Variants in DLGAP2 observed in about 807,000 individuals in gnomAD.
The protein encoded by DLGAP2 is disks large-associated protein 2.
DLGAP2 carries 26 observed loss-of-function variants against 100.3 expected under a neutral mutation model. The observed-to-expected ratio is 0.26, with a 90% CI of 0.19 to 0.36. DLGAP2 has a LOEUF of 0.36. Among genes scored for constraint, DLGAP2 ranks in the 10% least tolerant of loss-of-function variants. DLGAP2 has a pLI of 1.00. For missense variants in DLGAP2, 1,858 were observed against 1,453.2 expected, an observed-to-expected ratio of 1.28 and a Z score of -4.53; for synonymous variants, 886 against 630.1, an observed-to-expected ratio of 1.41 and a Z score of -6.08.
intron 1 of DLGAP2, among the ~76,000 whole-genome samples, chr8:816,319 T>C (rs1318858149): frequency 6.6e-6 from 1 of 151,680 alleles, no homozygotes; most frequent in Non-Finnish European, 1.5e-5. Context: ...TAATAGGTCC[T>C]GTGAGATTTA....
At chr8:1,315,724 G>C (rs1219258503) in intron 3 of DLGAP2, among the ~76,000 whole-genome samples, 3 of 46,642 alleles carry the variant, frequency 6.4e-5, no homozygotes, top group African/African-American at 3.3e-4. Context: ...CGAGTGCAGC[G>C]TCTCTCCAAC....
intron 4 of DLGAP2, among the ~76,000 whole-genome samples, chr8:1,534,266 A>G (rs1243890649): frequency 1.3e-5 from 2 of 152,244 alleles, no homozygotes; most frequent in Non-Finnish European, 2.9e-5. Context: ...TGTGTGTCAC[A>G]AGGCAAATTT....
chr8:1,502,996 T>G (rs1193671419), intron 4 of DLGAP2, among the ~76,000 whole-genome samples: 1 of 152,094 alleles, frequency 6.6e-6, no homozygotes, highest in East Asian at 1.9e-4. Context: ...GGAGGCCAGC[T>G]TTGCCTGGAT....
At chr8:1,700,235 C>T (rs1485461473) in intron 14 of DLGAP2, among the ~76,000 whole-genome samples, 1 of 152,216 alleles carries the variant, frequency 6.6e-6, no homozygotes, top group African/African-American at 2.4e-5. Context: ...GAGAAAAAGA[C>T]ATGAGTGGAG....
At chr8:1,700,627 G>A (rs976716751) in intron 14 of DLGAP2, among the ~76,000 whole-genome samples, 2 of 152,210 alleles carry the variant, frequency 1.3e-5, no homozygotes, top group Non-Finnish European at 2.9e-5. Flanking sequence ...TACAAAGCAG[G>A]CAAGTGAATA....
intron 2 of DLGAP2, among the ~76,000 whole-genome samples, chr8:1,068,262 A>G (rs1195571491): frequency 1.3e-5 from 2 of 152,206 alleles, no homozygotes; most frequent in Non-Finnish European, 2.9e-5. Context: ...TGCCATAAAC[A>G]TCTGTGTGCA....
intron 4 of DLGAP2, among the ~76,000 whole-genome samples, chr8:1,524,764 C>G (rs557888961): frequency 3.7e-4 from 56 of 152,248 alleles, no homozygotes; most frequent in African/African-American, 1.3e-3. Flanking sequence ...TTACAGTCTT[C>G]CCACCGCCTT....
intron 3 of DLGAP2, among the ~76,000 whole-genome samples, chr8:1,481,689 G>T (rs112299569): frequency 0.037 from 5,615 of 151,894 alleles, 352 homozygotes; most frequent in African/African-American, 0.12. Flanking sequence ...TGTTGGCCAG[G>T]CTTGTCTCGA....
At chr8:1,599,777 G>C (rs761970259) in intron 6 of DLGAP2, among the ~76,000 whole-genome samples, 20 of 152,132 alleles carry the variant, frequency 1.3e-4, no homozygotes, top group Non-Finnish European at 2.6e-4. Flanking sequence ...CTTTGTACAT[G>C]AGATGGGTCT....
intron 3 of DLGAP2, among the ~76,000 whole-genome samples, chr8:1,268,921 A>G (rs1799523881): frequency 1.3e-5 from 2 of 152,206 alleles, no homozygotes; most frequent in Non-Finnish European, 2.9e-5. Context: ...TGACATGGCC[A>G]GAGCCAACGG....
At chr8:1,363,986 C>G (rs1283735996) in intron 3 of DLGAP2, among the ~76,000 whole-genome samples, 1 of 152,214 alleles carries the variant, frequency 6.6e-6, no homozygotes, top group Non-Finnish European at 1.5e-5. Context: ...TCCCCAGCCC[C>G]TCATCCTCTG....
chr8:1,471,919 G>A (rs1330310405), intron 3 of DLGAP2, among the ~76,000 whole-genome samples: 2 of 152,214 alleles, frequency 1.3e-5, no homozygotes, highest in African/African-American at 4.8e-5. Flanking sequence ...GGTTGTGATT[G>A]CAACCACTTC....
intron 2 of DLGAP2, among the ~76,000 whole-genome samples, chr8:1,116,304 C>G (rs1044346745): frequency 6.6e-6 from 1 of 152,178 alleles, no homozygotes; most frequent in Non-Finnish European, 1.5e-5. Context: ...TCCAAAGCAC[C>G]AGCTGTGTCT....
Position 822,249 on chromosome 8 carries a change from C to G in DLGAP2, c.18+84424C>G, listed in dbSNP as rs553077872. 1.5e-4 allele frequency: 60 copies of G among 399,414 alleles called. 1 individual carries two copies. Among genetic ancestry groups the G allele is most frequent in the South Asian group, 5.1e-4 (4 of 7,862 alleles). 24.7% of individuals were successfully genotyped at this position (399,414 alleles called of 1,614,324 possible). On this transcript the variant is annotated intron_variant, in intron 1 of 14. Coordinates refer to ENST00000637795, the MANE Select transcript of DLGAP2 (RefSeq NM_001346810.2). ...GTGTGTCCGTCTTGCGGTCCTTACC[C>G]AGCATTTGCTTACTTCCTGCTGTGA...
intron 2 of DLGAP2, among the ~76,000 whole-genome samples, chr8:981,447 G>C (rs1800329027): frequency 1.3e-5 from 2 of 152,094 alleles, no homozygotes; most frequent in South Asian, 4.2e-4. Context: ...TTGTATCTAG[G>C]AGTGGAAGCG....
intron 2 of DLGAP2, among the ~76,000 whole-genome samples, chr8:1,142,829 C>A (rs1376669207): frequency 6.6e-6 from 1 of 152,002 alleles, no homozygotes; most frequent in Non-Finnish European, 1.5e-5. Flanking sequence ...AGAGACCTGG[C>A]GGGAGGAGGA....
At chr8:819,231 C>T (rs10092407) in intron 1 of DLGAP2, among the ~76,000 whole-genome samples, 34,830 of 152,080 alleles carry the variant, frequency 0.23, 4,612 homozygotes, top group Non-Finnish European at 0.3. Flanking sequence ...TAATAGTATC[C>T]CTATGTAGTA....
intron 3 of DLGAP2, among the ~76,000 whole-genome samples, chr8:1,298,981 G>C (rs1800262900): frequency 6.6e-6 from 1 of 152,140 alleles, no homozygotes; most frequent in Admixed American, 6.5e-5. Context: ...GGCTCGTGCT[G>C]AATGACCCAA....
intron 1 of DLGAP2, among the ~76,000 whole-genome samples, chr8:780,836 A>T (rs1340726518): frequency 6.6e-6 from 1 of 152,102 alleles, no homozygotes; most frequent in African/African-American, 2.4e-5. Context: ...CGCCTTCCCC[A>T]CACCCCCTTT....
Sources: gnomAD v4.1 joint callset for allele counts (sites outside exome capture counted in the v4.1 genomes callset) on GRCh38, gnomAD v4.1.1 for gene constraint, MANE v1.5 for transcripts, NCBI Gene and HGNC (gene_info 2026-07-23, HGNC 2026-07-21) for gene names.